The following CFAP299 variants were observed in gnomAD, a reference collection of about 807,000 sequenced individuals.
CFAP299 encodes the protein cilia and flagella associated protein 299.
CFAP299 carries 21 observed loss-of-function variants against 27.0 expected under a neutral mutation model. That is an observed-to-expected ratio of 0.78 (90% CI 0.55 to 1.12). The LOEUF (loss-of-function observed/expected upper bound fraction) is 1.12, where lower values mean the gene tolerates loss of function less well. Among genes scored for constraint, CFAP299 ranks in the 50% most tolerant of loss-of-function variants. The pLI is 0.00. For synonymous variants in CFAP299, 104 were observed against 98.1 expected (o/e 1.06, Z -0.36); for missense variants, 310 against 276.6 (o/e 1.12, Z -0.86).
chr4:80,461,793 A>G (rs540630034), intron 2 of CFAP299, among the ~76,000 whole-genome samples: 2 of 152,202 alleles, frequency 1.3e-5, no homozygotes, highest in Admixed American at 6.5e-5. Context: ...ATTTTCTTCA[A>G]TTATTATTTT....
At chr4:80,716,037 A>G (rs534855553) in intron 3 of CFAP299, among the ~76,000 whole-genome samples, 4 of 152,048 alleles carry the variant, frequency 2.6e-5, no homozygotes, top group Non-Finnish European at 5.9e-5. Flanking sequence ...CTTCAAACTA[A>G]CTAGGATAAT....
chr4:80,515,804 A>G (rs1325756279), intron 2 of CFAP299, among the ~76,000 whole-genome samples: 1 of 152,156 alleles, frequency 6.6e-6, no homozygotes, highest in Non-Finnish European at 1.5e-5. Context: ...AATATTTTAG[A>G]AATCTCTTAT....
chr4:80,670,334 C>A (rs1741404766), intron 3 of CFAP299, among the ~76,000 whole-genome samples: 1 of 152,136 alleles, frequency 6.6e-6, no homozygotes, highest in African/African-American at 2.4e-5. Flanking sequence ...TTTTTTATGG[C>A]TGCATAGTAT....
intron 3 of CFAP299, among the ~76,000 whole-genome samples, chr4:80,657,996 G>T (rs1415138785): frequency 6.6e-6 from 1 of 152,044 alleles, no homozygotes; most frequent in African/African-American, 2.4e-5. Flanking sequence ...TGTAGCAATT[G>T]TGAATGGGAG....
intron 2 of CFAP299, among the ~76,000 whole-genome samples, chr4:80,505,228 T>A (rs962550275): frequency 2.6e-5 from 4 of 152,024 alleles, no homozygotes; most frequent in Non-Finnish European, 5.9e-5. Context: ...GATTAGGTAC[T>A]GATTTACTTG....
intron 3 of CFAP299, among the ~76,000 whole-genome samples, chr4:80,728,321 CAAA>C (rs1203689668): frequency 6.6e-6 from 1 of 151,978 alleles, no homozygotes; most frequent in Non-Finnish European, 1.5e-5. Context: ...TTTCTAAAGA[CAAA>C]GAAATAATAC....
chr4:80,602,387 A>C (rs957849642), intron 3 of CFAP299, among the ~76,000 whole-genome samples: 6 of 152,122 alleles, frequency 3.9e-5, no homozygotes, highest in African/African-American at 1.2e-4. Context: ...TAACATAATA[A>C]AATTAATTTA....
At chr4:80,387,962 A>G (rs1578385185) in intron 2 of CFAP299, 1 of 766,552 alleles carries the variant, frequency 1.3e-6, no homozygotes, top group Non-Finnish European at 2.3e-6. Flanking sequence ...AGGGCTGTAC[A>G]CTGTGGGGGT....
At chr4:80,401,907 C>T (rs1726181837) in intron 2 of CFAP299, among the ~76,000 whole-genome samples, 1 of 152,166 alleles carries the variant, frequency 6.6e-6, no homozygotes, top group Non-Finnish European at 1.5e-5. Context: ...GAACCCACGT[C>T]TTGAATCATT....
intron 3 of CFAP299, among the ~76,000 whole-genome samples, chr4:80,867,622 C>T (rs181360984): frequency 6.6e-6 from 1 of 152,178 alleles, no homozygotes; most frequent in Admixed American, 6.5e-5. Flanking sequence ...CCTTTCCTTG[C>T]AGATGGCCAT....
At chr4:80,569,835 AT>A (rs1430784339) in intron 2 of CFAP299, among the ~76,000 whole-genome samples, 2 of 152,050 alleles carry the variant, frequency 1.3e-5, no homozygotes, top group Non-Finnish European at 2.9e-5. Context: ...GTGAGACACT[AT>A]TTTTAGCTTC....
chr4:80,340,022 G>T (rs1176175207), intron 1 of CFAP299, among the ~76,000 whole-genome samples: 2 of 152,202 alleles, frequency 1.3e-5, no homozygotes, highest in African/African-American at 4.8e-5. Context: ...TTATAAAATA[G>T]AAATGGGGAG....
At chr4:80,355,090 A>G (rs79933236) in intron 1 of CFAP299, among the ~76,000 whole-genome samples, 11,214 of 152,086 alleles carry the variant, frequency 0.074, 1,222 homozygotes, top group African/African-American at 0.24. Context: ...GTCTTTGAGG[A>G]ATTGCTGCAC....
At chr4:80,955,652 G>A (rs573665930) in intron 5 of CFAP299, among the ~76,000 whole-genome samples, 173 of 152,334 alleles carry the variant, frequency 1.1e-3, no homozygotes, top group Middle Eastern at 6.8e-3. Context: ...TACTGATGTT[G>A]ATGGATTAGT....
At chr4:80,503,710 T>C (rs1453602813) in intron 2 of CFAP299, among the ~76,000 whole-genome samples, 2 of 152,194 alleles carry the variant, frequency 1.3e-5, no homozygotes, top group Non-Finnish European at 2.9e-5. Flanking sequence ...TTTTAAATTA[T>C]ATATCTTCCA....
chr4:80,823,285 C>T (rs955668793), intron 3 of CFAP299, among the ~76,000 whole-genome samples: 34 of 152,126 alleles, frequency 2.2e-4, no homozygotes, highest in Non-Finnish European at 4.1e-4. Context: ...ACCTGCCTCC[C>T]TCTTTGCTCC....
intron 3 of CFAP299, among the ~76,000 whole-genome samples, chr4:80,717,712 C>T: frequency 6.6e-6 from 1 of 152,070 alleles, no homozygotes; most frequent in Non-Finnish European, 1.5e-5. Context: ...TTCATTAGTT[C>T]TAATTTTATC....
chr4:80,955,165 T>C (rs1738005894), intron 5 of CFAP299, among the ~76,000 whole-genome samples: 1 of 152,048 alleles, frequency 6.6e-6, no homozygotes, highest in Non-Finnish European at 1.5e-5. Flanking sequence ...TTTGGAGCAG[T>C]TGAAAGCAGC....
chr4:80,359,228 G>A (rs1314310200), intron 1 of CFAP299, among the ~76,000 whole-genome samples: 2 of 152,050 alleles, frequency 1.3e-5, no homozygotes, highest in African/African-American at 4.8e-5. Context: ...GTGATCTGAC[G>A]CTTCTCTCTA....
Sources: allele counts gnomAD v4.1 joint callset (sites outside exome capture counted in the v4.1 genomes callset), GRCh38; gene constraint gnomAD v4.1.1; transcripts MANE v1.5; gene names NCBI Gene and HGNC (gene_info 2026-07-23, HGNC 2026-07-21).